Variants in NEGR1 observed in about 807,000 individuals in gnomAD.
The protein encoded by NEGR1 is IgLON family member 4.
NEGR1 carries 10 observed loss-of-function variants against 40.9 expected under a neutral mutation model. That is an observed-to-expected ratio of 0.24 (90% CI 0.15 to 0.42). The LOEUF is 0.42. Ranked by LOEUF, NEGR1 falls within the 10% of genes least tolerant of loss-of-function variation. NEGR1 has a pLI of 1.00. For missense variants in NEGR1, 352 were observed against 438.9 expected, an observed-to-expected ratio of 0.80 and a Z score of 1.77; for synonymous variants, 185 against 166.8, an observed-to-expected ratio of 1.11 and a Z score of -0.84.
At chr1:71,558,141 T>C (rs1485360648) in intron 6 of NEGR1, among the ~76,000 whole-genome samples, 1 of 151,582 alleles carries the variant, frequency 6.6e-6, no homozygotes, top group Non-Finnish European at 1.5e-5. Context: ...AGCTGTTTTT[T>C]GTCATATTTC....
chr1:71,588,958 C>T (rs951041930), intron 6 of NEGR1, among the ~76,000 whole-genome samples: 1 of 152,144 alleles, frequency 6.6e-6, no homozygotes, highest in African/African-American at 2.4e-5. Flanking sequence ...AAAGGCATAA[C>T]ATCAGCCTTG....
At chr1:72,144,349 C>G (rs544939241) in intron 1 of NEGR1, among the ~76,000 whole-genome samples, 1 of 151,780 alleles carries the variant, frequency 6.6e-6, no homozygotes, top group East Asian at 1.9e-4. Context: ...CTAATATTAT[C>G]ATAATTTTCC....
At chr1:72,120,256 T>A (rs564367807) in intron 1 of NEGR1, among the ~76,000 whole-genome samples, 20 of 152,148 alleles carry the variant, frequency 1.3e-4, no homozygotes, top group African/African-American at 4.8e-4. Context: ...CCAAAAATTA[T>A]TTGACTGCAT....
At chr1:72,172,421 T>A (rs1651996143) in intron 1 of NEGR1, among the ~76,000 whole-genome samples, 1 of 152,066 alleles carries the variant, frequency 6.6e-6, no homozygotes, top group Non-Finnish European at 1.5e-5. Flanking sequence ...CCAAATATAA[T>A]TCATAAATAT....
rs1045585376 is a variant in NEGR1 at position 71,678,054 on chromosome 1, A to T, written c.667+19954T>A. On this transcript the variant is annotated intron_variant, in intron 4 of 6. Transcript: ENST00000357731. ...TTTATTTTTTATTTTTACAGAGCACATGCAGATACATGATGACAGATCATG... is the reference window on the plus strand; with the variant it reads ...TTTATTTTTTATTTTTACAGAGCACTTGCAGATACATGATGACAGATCATG... Among the ~76,000 whole-genome samples the T allele has an allele frequency of 7.3e-4, 12 of 16,496 alleles. No homozygotes were observed. In the South Asian group the frequency reaches 0.019, roughly 26 times the overall value. The allele number at this position is 16,496 out of a possible 152,430, so 10.8% of individuals were successfully genotyped here.
At chr1:71,561,290 T>G (rs1319345660) in intron 6 of NEGR1, among the ~76,000 whole-genome samples, 1 of 151,680 alleles carries the variant, frequency 6.6e-6, no homozygotes, top group Admixed American at 6.6e-5. Flanking sequence ...ATTTTTCCCA[T>G]AGCCCATGTT....
At chr1:71,559,552 T>G (rs988830103) in intron 6 of NEGR1, among the ~76,000 whole-genome samples, 1 of 151,642 alleles carries the variant, frequency 6.6e-6, no homozygotes, top group Non-Finnish European at 1.5e-5. Flanking sequence ...TTTTGACAAA[T>G]GCACATAGTT....
At chr1:71,474,559 C>CACACACACACAA (rs1416461058) in intron 6 of NEGR1, among the ~76,000 whole-genome samples, 1 of 137,652 alleles carries the variant, frequency 7.3e-6, no homozygotes, top group East Asian at 2.3e-4. Flanking sequence ...CACACACACA[C>CACACACACACAA]AATTAGCCAG....
At chr1:71,715,816 C>T (rs182932294) in intron 3 of NEGR1, among the ~76,000 whole-genome samples, 1 of 152,326 alleles carries the variant, frequency 6.6e-6, no homozygotes, top group Non-Finnish European at 1.5e-5. Context: ...TTCAACAAAT[C>T]TCTAGGAAGT....
chr1:71,969,559 A>C (rs1356395187), intron 1 of NEGR1, among the ~76,000 whole-genome samples: 2 of 152,232 alleles, frequency 1.3e-5, no homozygotes, highest in African/African-American at 4.8e-5. Context: ...CCTACCATGC[A>C]GATCTATTAC....
At chr1:72,104,008 C>T (rs1181699932) in intron 1 of NEGR1, among the ~76,000 whole-genome samples, 2 of 152,086 alleles carry the variant, frequency 1.3e-5, no homozygotes, top group African/African-American at 2.4e-5. Flanking sequence ...GACTTTGAGG[C>T]TTCTGACTGT....
intron 1 of NEGR1, among the ~76,000 whole-genome samples, chr1:72,087,126 A>G (rs1475807899): frequency 4.6e-5 from 7 of 152,142 alleles, no homozygotes; most frequent in Admixed American, 4.6e-4. Context: ...ATTACTTAGA[A>G]TATTATGACT....
At chr1:72,271,093 G>C (rs1231281839) in intron 1 of NEGR1, among the ~76,000 whole-genome samples, 1 of 151,816 alleles carries the variant, frequency 6.6e-6, no homozygotes, top group Non-Finnish European at 1.5e-5. Context: ...AGGAACTCAA[G>C]CTCTGGTTAC....
At chr1:72,014,551 G>C (rs1302257019) in intron 1 of NEGR1, among the ~76,000 whole-genome samples, 1 of 151,878 alleles carries the variant, frequency 6.6e-6, no homozygotes, top group East Asian at 1.9e-4. Flanking sequence ...AGTTATATTA[G>C]TCAACCAATA....
chr1:72,068,955 T>G (rs1647351349), intron 1 of NEGR1, among the ~76,000 whole-genome samples: 1 of 152,080 alleles, frequency 6.6e-6, no homozygotes, highest in African/African-American at 2.4e-5. Flanking sequence ...ACAAGTAAAA[T>G]GTTGGTCAAT....
At chr1:71,492,926 T>C (rs949358970) in intron 6 of NEGR1, among the ~76,000 whole-genome samples, 12 of 152,136 alleles carry the variant, frequency 7.9e-5, no homozygotes, top group African/African-American at 2.9e-4. Flanking sequence ...CAAGATAGAA[T>C]TCACCATCTT....
intron 6 of NEGR1, among the ~76,000 whole-genome samples, chr1:71,543,914 G>A (rs1282147363): frequency 1.3e-5 from 2 of 151,610 alleles, no homozygotes; most frequent in Non-Finnish European, 3.0e-5. Context: ...AGAATGTTTA[G>A]CCATTAAAAC....
At chr1:71,585,721 A>G (rs1417913136) in intron 6 of NEGR1, among the ~76,000 whole-genome samples, 1 of 148,498 alleles carries the variant, frequency 6.7e-6, no homozygotes, top group East Asian at 2.0e-4. Flanking sequence ...TACTCATTAC[A>G]AGTGAATGCT....
chr1:71,785,680 C>G (rs1011429765), intron 2 of NEGR1, among the ~76,000 whole-genome samples: 13 of 152,162 alleles, frequency 8.5e-5, no homozygotes, highest in Non-Finnish European at 1.8e-4. Context: ...TGGCAGTGAA[C>G]TATTTTCCCT....
Sources: allele counts gnomAD v4.1 joint callset (sites outside exome capture counted in the v4.1 genomes callset), GRCh38; gene constraint gnomAD v4.1.1; transcripts MANE v1.5; gene names NCBI Gene and HGNC (gene_info 2026-07-23, HGNC 2026-07-21).